The following RHOBTB1 variants were observed in gnomAD, a reference collection of about 807,000 sequenced individuals.
The protein encoded by RHOBTB1 is Rho related BTB domain containing 1.
Under a neutral mutation model 71.6 loss-of-function variants are expected in RHOBTB1, and 40 were observed. That is an observed-to-expected ratio of 0.56 (90% CI 0.43 to 0.73). RHOBTB1 has a LOEUF of 0.73. RHOBTB1 is among the 30% of genes least tolerant of loss of function. The pLI, the probability that RHOBTB1 is intolerant of heterozygous loss-of-function variation, is 0.00. For synonymous variants in RHOBTB1, 319 were observed against 334.9 expected (o/e 0.95, Z 0.52); for missense variants, 797 against 894.0 (o/e 0.89, Z 1.38).
chr10:60,907,507 G>A (rs555378036), intron 4 of RHOBTB1, among the ~76,000 whole-genome samples: 1 of 152,284 alleles, frequency 6.6e-6, no homozygotes, highest in East Asian at 1.9e-4. Context: ...TATAAAGTAG[G>A]TGGTGGAAAA....
chr10:60,990,170 A>G (rs2086810625), intron 1 of RHOBTB1, among the ~76,000 whole-genome samples: 1 of 151,808 alleles, frequency 6.6e-6, no homozygotes, highest in Non-Finnish European at 1.5e-5. Context: ...TTTTTAGTAG[A>G]GTCGGGGTTT....
At chr10:60,925,468 A>G (rs2083815218) in intron 2 of RHOBTB1, among the ~76,000 whole-genome samples, 1 of 152,158 alleles carries the variant, frequency 6.6e-6, no homozygotes, top group Non-Finnish European at 1.5e-5. Context: ...ATAAATGCCT[A>G]TATCGAAAAA....
At chr10:60,880,281 G>C (rs1047705626) in intron 7 of RHOBTB1, among the ~76,000 whole-genome samples, 1 of 151,602 alleles carries the variant, frequency 6.6e-6, no homozygotes, top group Non-Finnish European at 1.5e-5. Flanking sequence ...GAGAGAGAGA[G>C]AGTGTATGTA....
In RHOBTB1 at chr10:60,888,298, G is replaced by A. The variant is rs745556636; in HGVS notation, c.1370C>T (p.Ala457Val). The A allele has an allele frequency of 1.2e-6, 2 of 1,614,066 alleles. No homozygotes were observed. The highest frequency in any genetic ancestry group is 1.7e-6 in the Non-Finnish European group (2 of 1,179,980). ...TTTCGTAATCTCCTGGTTCATGAAG[G>A]CTTCCTTGTTCATGATGTTTTCCAC... ...MMVENIMNKE[A>V]FMNQEITKAF... Residue 457 changes from alanine (A) to valine (V), a missense_variant, in exon 6 of 11, where the codon GCC (alanine) becomes GTC (valine). By Grantham distance (64) the Ala-to-Val change is moderately conservative. Transcript: ENST00000337910.
rs149393628 is a variant in RHOBTB1, at chr10:60,914,622, CA to C, written c.-10-3071del. Among the ~76,000 whole-genome samples, 902 of 152,226 alleles carry C rather than the reference CA, an allele frequency of 5.9e-3. 5 individuals are homozygous for C. Among genetic ancestry groups the C allele is most frequent in the African/African-American group, 0.021 (875 of 41,526 alleles). On this transcript the variant is annotated intron_variant, in intron 2 of 10. Coordinates refer to ENST00000337910, the MANE Select transcript of RHOBTB1 (RefSeq NM_014836.5). ...GCAAACTAGCCCTGATAGCAGCCCC[CA>C]AGAAGGAATCCCCCAAATAAGCTGA...
chr10:60,900,885 T>C (rs188034611), intron 4 of RHOBTB1, among the ~76,000 whole-genome samples: 1 of 152,370 alleles, frequency 6.6e-6, no homozygotes, highest in East Asian at 1.9e-4. Flanking sequence ...TTTAATTATT[T>C]GAATTTCTCT....
At chr10:60,940,804 G>A (rs58366875) in intron 2 of RHOBTB1, among the ~76,000 whole-genome samples, 1,878 of 152,232 alleles carry the variant, frequency 0.012, 43 homozygotes, top group African/African-American at 0.042. Flanking sequence ...GAATTGCAAA[G>A]TAATTCCACA....
intron 2 of RHOBTB1, among the ~76,000 whole-genome samples, chr10:60,933,362 T>G (rs2084369949): frequency 6.6e-6 from 1 of 152,190 alleles, no homozygotes; most frequent in African/African-American, 2.4e-5. Context: ...ATGTCATAAC[T>G]TTCATCCAAT....
chr10:60,933,163 G>C (rs1339940190), intron 2 of RHOBTB1, among the ~76,000 whole-genome samples: 1 of 152,254 alleles, frequency 6.6e-6, no homozygotes, highest in East Asian at 1.9e-4. Context: ...GAAGTTATTG[G>C]CTAATAACAA....
intron 2 of RHOBTB1, among the ~76,000 whole-genome samples, chr10:60,970,388 T>C (rs897010284): frequency 6.6e-6 from 1 of 152,138 alleles, no homozygotes; most frequent in Non-Finnish European, 1.5e-5. Context: ...CATGTATTTA[T>C]TCAAGAGACA....
intron 9 of RHOBTB1, among the ~76,000 whole-genome samples, chr10:60,873,354 G>A (rs575088128): frequency 1.1e-4 from 16 of 152,254 alleles, no homozygotes; most frequent in South Asian, 2.1e-4. Context: ...ATTGGCAAAC[G>A]CAACAGATTG....
At chr10:60,999,119 G>C (rs935098424) in intron 1 of RHOBTB1, among the ~76,000 whole-genome samples, 1 of 152,190 alleles carries the variant, frequency 6.6e-6, no homozygotes. Flanking sequence ...GTACCAACTT[G>C]TTGTCAAATC....
intron 1 of RHOBTB1, among the ~76,000 whole-genome samples, chr10:60,989,103 A>G (rs2086769754): frequency 6.6e-6 from 1 of 152,226 alleles, no homozygotes; most frequent in Admixed American, 6.5e-5. Flanking sequence ...TGGGTTAAGG[A>G]CACCATTTTA....
At chr10:60,912,209 ATATGTG>A (rs758698960) in intron 2 of RHOBTB1, among the ~76,000 whole-genome samples, 2,438 of 151,978 alleles carry the variant, frequency 0.016, 29 homozygotes, top group South Asian at 0.036. Flanking sequence ...GTGTGTATAT[ATATGTG>A]TATATATATA....
At chr10:60,916,074 C>T (rs2083256532) in intron 2 of RHOBTB1, among the ~76,000 whole-genome samples, 1 of 152,198 alleles carries the variant, frequency 6.6e-6, no homozygotes, top group Non-Finnish European at 1.5e-5. Flanking sequence ...GCAGCAACTC[C>T]CATCAGGAGG....
At chr10:60,932,513 T>TAAAAAAAAAAAAAAA (rs3049595) in intron 2 of RHOBTB1, among the ~76,000 whole-genome samples, 3 of 107,886 alleles carry the variant, frequency 2.8e-5, no homozygotes, top group South Asian at 3.4e-4. Flanking sequence ...TTTCTTAAAG[T>TAAAAAAAAAAAAAAA]AAAAAAAAAA....
chr10:60,959,773 C>T (rs2085717717), intron 2 of RHOBTB1, among the ~76,000 whole-genome samples: 1 of 152,126 alleles, frequency 6.6e-6, no homozygotes, highest in South Asian at 2.1e-4. Context: ...TGGAATGAAT[C>T]AGAACTGAGT....
intron 5 of RHOBTB1, 92 bp from the exon 6 acceptor site, chr10:60,889,277 A>C: frequency 7.7e-7 from 1 of 1,292,916 alleles, no homozygotes; most frequent in Non-Finnish European, 1.0e-6. Flanking sequence ...GGAACTATAC[A>C]CTGAAAACTC....
intron 9 of RHOBTB1, among the ~76,000 whole-genome samples, chr10:60,873,520 T>C (rs1178113558): frequency 2.0e-5 from 3 of 152,158 alleles, no homozygotes; most frequent in Non-Finnish European, 4.4e-5. Context: ...GTAGTGGGTG[T>C]GTATGGGGGT....
Sources: gnomAD v4.1 joint callset for allele counts (sites outside exome capture counted in the v4.1 genomes callset) on GRCh38, gnomAD v4.1.1 for gene constraint, MANE v1.5 for transcripts, NCBI Gene and HGNC (gene_info 2026-07-23, HGNC 2026-07-21) for gene names.